The following ZNF667 variants were observed in gnomAD, a reference collection of about 807,000 sequenced individuals.
ZNF667 encodes myocardial ischemic preconditioning upregulated 1 ortholog.
ZNF667 carries 13 observed loss-of-function variants against 31.8 expected under a neutral mutation model. That is an observed-to-expected ratio of 0.41 (90% CI 0.27 to 0.65). The LOEUF (loss-of-function observed/expected upper bound fraction) is 0.65, where lower values mean the gene tolerates loss of function less well. Among genes scored for constraint, ZNF667 ranks in the 30% least tolerant of loss-of-function variants. The pLI, the probability that ZNF667 is intolerant of heterozygous loss-of-function variation, is 0.32. For synonymous variants in ZNF667, 228 were observed against 247.1 expected, an observed-to-expected ratio of 0.92 and a Z score of 0.73; for missense variants, 642 against 725.6, an observed-to-expected ratio of 0.88 and a Z score of 1.32.
rs867982534 is a variant in ZNF667, at chr19:56,472,014, C to G, written c.-375G>C. 1 of 152,230 alleles carries G rather than the reference C, an allele frequency of 6.6e-6. No homozygotes were observed. The highest frequency in any genetic ancestry group is 2.4e-5 in the African/African-American group (1 of 41,444). 9.4% of individuals were successfully genotyped at this position (152,230 alleles called of 1,614,324 possible). ...TCTCATGTGATCTGATGGTTCTGTACAGGGACTCTCATTCTCCCTGTGGCC... is the reference window on the plus strand; with the variant it reads ...TCTCATGTGATCTGATGGTTCTGTAGAGGGACTCTCATTCTCCCTGTGGCC... On this transcript the variant is annotated 5_prime_UTR_variant, in exon 3 of 7. Transcript: ENST00000504904.
chr19:56,449,886 G>A (rs530835856), intron 6 of ZNF667, among the ~76,000 whole-genome samples: 1 of 151,220 alleles, frequency 6.6e-6, no homozygotes, highest in South Asian at 2.1e-4. Flanking sequence ...AATTGATCAA[G>A]CAGAAGAAAT....
At chr19:56,459,769 A>G (rs1260486225) in intron 5 of ZNF667, among the ~76,000 whole-genome samples, 3 of 152,140 alleles carry the variant, frequency 2.0e-5, no homozygotes, top group Non-Finnish European at 2.9e-5. Flanking sequence ...CGAGGTGGGC[A>G]GATCACGAGG....
At chr19:56,466,463 C>G (rs569064705) in intron 3 of ZNF667, among the ~76,000 whole-genome samples, 1 of 152,184 alleles carries the variant, frequency 6.6e-6, no homozygotes, top group African/African-American at 2.4e-5. Flanking sequence ...TGGGAGGCAG[C>G]TGGAGGTGTG....
chr19:56,470,787 T>C (rs1488194323), intron 3 of ZNF667, among the ~76,000 whole-genome samples: 1 of 152,206 alleles, frequency 6.6e-6, no homozygotes, highest in African/African-American at 2.4e-5. Flanking sequence ...CTGACTTTTC[T>C]GAGCGAGGTT....
At chr19:56,473,133 A>C (rs933399625) in intron 2 of ZNF667, 2 of 152,258 alleles carry the variant, frequency 1.3e-5, no homozygotes, top group Non-Finnish European at 2.9e-5. Flanking sequence ...AAAGGTATTC[A>C]CAATGGCAGA....
At position 56,441,941 on chromosome 19, in the gene ZNF667, G is replaced by C; in HGVS notation, c.1054C>G (p.His352Asp). 6.2e-7 allele frequency: 1 copy of C among 1,614,104 alleles called. No homozygotes were observed. Among genetic ancestry groups the C allele is most frequent in the Non-Finnish European group, 8.5e-7 (1 of 1,180,018 alleles). The change falls in exon 7 of 7, where the codon CAC (histidine) becomes GAC (aspartate). Residue 352 changes from histidine to aspartate, a missense_variant. By Grantham distance (81) the His-to-Asp change is moderately conservative (BLOSUM62 -1). Transcript: ENST00000504904. The surrounding 1 kb of genome is among the most constrained non-coding windows in gnomAD (Gnocchi z 4.2). The stretch of plus-strand genomic sequence containing the variant: ...CATTTGTACGGTTTCTCTGAAGTGT[G>C]AATTCTCTGGTGAAGCATCAGGGGT... ...ISPLMLHQRI[H>D]TSEKPYKCDK...
chr19:56,463,384 A>G (rs556836818), intron 3 of ZNF667, among the ~76,000 whole-genome samples: 12 of 152,104 alleles, frequency 7.9e-5, no homozygotes, highest in Non-Finnish European at 1.8e-4. Context: ...TCGCCTCCTC[A>G]AGAGGGCCCC....
In ZNF667 at chr19:56,441,361, T is replaced by C. The variant is rs1172419638; in HGVS notation, c.1634A>G (p.His545Arg). The C allele has an allele frequency of 3.7e-6, 6 of 1,614,086 alleles. No homozygotes were observed. The highest frequency in any genetic ancestry group is 1.7e-6 in the Non-Finnish European group (2 of 1,180,052). The change falls in exon 7 of 7, where the codon CAT becomes CGT. Residue 545 changes from histidine (H) to arginine (R), a missense_variant. Coordinates refer to ENST00000504904, the MANE Select transcript of ZNF667 (RefSeq NM_001321356.2). The surrounding 1 kb of genome is among the most constrained non-coding windows in gnomAD (Gnocchi z 4.2). ...TTTCTCTCCAGTATGACTTCTTTCA[T>C]GTAGAATAAGAGATGTGCGCTGACT... Reference protein sequence around the residue: ...AFSQRTSLILHERSHTGEKPY... With the variant: ...AFSQRTSLILRERSHTGEKPY...
At chr19:56,458,988 A>AG (rs991316032) in intron 5 of ZNF667, among the ~76,000 whole-genome samples, 1 of 152,172 alleles carries the variant, frequency 6.6e-6, no homozygotes, top group Non-Finnish European at 1.5e-5. Flanking sequence ...CCTCTGAAGT[A>AG]GGGGACAGTC....
rs1234022980 is a variant in ZNF667, at chr19:56,441,439, CT to C, written c.1555del (p.Arg519GlufsTer80). 6.2e-7 allele frequency: 1 copy of C among 1,614,070 alleles called. No homozygotes were observed. Among genetic ancestry groups the C allele is most frequent in the African/African-American group, 1.3e-5 (1 of 74,936 alleles). ...SQSAHLAQHE[R>X]IHTGEKPYTC... Reference sequence around the variant, plus strand: ...ATATGGCTTCTCTCCAGTGTGAATTCTTTCATGTTGGGCGAGGTGTGCACTC... The same window carrying C: ...ATATGGCTTCTCTCCAGTGTGAATTCTTCATGTTGGGCGAGGTGTGCACTC... On this transcript the variant is annotated frameshift_variant, in exon 7 of 7. Coordinates refer to ENST00000504904, the MANE Select transcript of ZNF667 (RefSeq NM_001321356.2). LOFTEE classifies it high-confidence loss of function. The surrounding 1 kb of genome is among the most constrained non-coding windows in gnomAD (Gnocchi z 4.2).
chr19:56,459,862 C>A (rs1011643666), intron 5 of ZNF667, among the ~76,000 whole-genome samples: 2 of 152,040 alleles, frequency 1.3e-5, no homozygotes, highest in East Asian at 3.9e-4. Flanking sequence ...TGTGATGGAG[C>A]GTGCCTGTAA....
intron 6 of ZNF667, among the ~76,000 whole-genome samples, chr19:56,457,416 G>A (rs984312878): frequency 2.0e-5 from 3 of 152,080 alleles, no homozygotes; most frequent in African/African-American, 7.2e-5. Context: ...TCTGAAGAGG[G>A]TCTGGGCCTC....
intron 3 of ZNF667, chr19:56,468,770 G>A (rs1433882338): frequency 6.6e-6 from 1 of 152,210 alleles, no homozygotes; most frequent in Non-Finnish European, 1.5e-5. Flanking sequence ...CACAATCCTG[G>A]ATTGCCCAAG....
intron 6 of ZNF667, among the ~76,000 whole-genome samples, chr19:56,443,383 A>T (rs977412420): frequency 2.0e-5 from 3 of 152,230 alleles, no homozygotes; most frequent in African/African-American, 7.2e-5. Context: ...GTTGTAAGAC[A>T]TGCATTGTCA....
Position 56,440,655 on chromosome 19 carries a change from GAC to G in ZNF667, c.*505_*506del, listed in dbSNP as rs1245948184. On this transcript the variant is annotated 3_prime_UTR_variant, in exon 7 of 7. Coordinates refer to ENST00000504904, the MANE Select transcript of ZNF667 (RefSeq NM_001321356.2). ...AATATCGGTAATTTTTTTTTTTTTTGACACAGAGTCTTGCTCTGTTGCCCAGA... is the reference window on the plus strand; with the variant it reads ...AATATCGGTAATTTTTTTTTTTTTTGACAGAGTCTTGCTCTGTTGCCCAGA... 2.3e-6 allele frequency: 1 copy of G among 427,512 alleles called. No homozygotes were observed. Among genetic ancestry groups the G allele is most frequent in the East Asian group, 2.0e-4 (1 of 4,914 alleles). The allele number at this position is 427,512 out of a possible 1,614,324, so 26.5% of individuals were successfully genotyped here.
At chr19:56,451,868 C>CAAAAAAAAAAAAAAA (rs71184363) in intron 6 of ZNF667, among the ~76,000 whole-genome samples, 10 of 80,948 alleles carry the variant, frequency 1.2e-4, no homozygotes, top group African/African-American at 2.7e-4. Context: ...GACCCTGTCT[C>CAAAAAAAAAAAAAAA]AAAAAAAAAA....
chr19:56,454,963 C>T (rs2042902790), intron 6 of ZNF667, among the ~76,000 whole-genome samples: 1 of 151,896 alleles, frequency 6.6e-6, no homozygotes. Flanking sequence ...ACATAAGGAG[C>T]TCAAACAACT....
intron 6 of ZNF667, 142 bp downstream of exon 6, chr19:56,458,013 G>T (rs1264179226): frequency 8.2e-6 from 6 of 732,398 alleles, no homozygotes; most frequent in South Asian, 1.6e-5. Context: ...CACCGAATCT[G>T]CTCATGCATT....
chr19:56,444,536 C>T (rs1375006086), intron 6 of ZNF667, among the ~76,000 whole-genome samples: 1 of 148,368 alleles, frequency 6.7e-6, no homozygotes, highest in African/African-American at 2.5e-5. Flanking sequence ...GAAATCCACC[C>T]CCATGATCCA....
Sources: gnomAD v4.1 joint callset for allele counts (sites outside exome capture counted in the v4.1 genomes callset) on GRCh38, gnomAD v4.1.1 for gene constraint, Gnocchi (gnomAD v3.1) non-coding constraint, MANE v1.5 for transcripts, NCBI Gene and HGNC (gene_info 2026-07-23, HGNC 2026-07-21) for gene names.